Variants in HTRA3 observed in about 807,000 individuals in gnomAD.
HTRA3 encodes HtrA serine peptidase 3.
A neutral mutation model predicts 43.2 loss-of-function variants in HTRA3; 41 were observed. The observed-to-expected ratio is 0.95, with a 90% CI of 0.74 to 1.23. The LOEUF (loss-of-function observed/expected upper bound fraction) is 1.23, where lower values mean the gene tolerates loss of function less well. Ranked by LOEUF, HTRA3 falls within the 50% of genes most tolerant of loss-of-function variation. HTRA3 has a pLI of 0.00. For synonymous variants in HTRA3, 295 were observed against 287.9 expected (o/e 1.02, Z -0.25); for missense variants, 628 against 647.1 (o/e 0.97, Z 0.32).
rs1187242252 is a variant in HTRA3, at chr4:8,269,909, T to C, written c.-60T>C. ...GGCGCCCGGCCCCGCAGCGGCCTCG[T>C]TGTCCCCGCCGGCCCCCGCCCGGTC... is the stretch of plus-strand genomic sequence containing the variant. On this transcript the variant is annotated 5_prime_UTR_variant, in exon 1 of 9. Transcript: ENST00000307358. 8.2e-6 allele frequency: 7 copies of C among 858,882 alleles called. No individual in the cohort carries two copies. Among genetic ancestry groups the C allele is most frequent in the Admixed American group, 6.0e-5 (1 of 16,752 alleles). The allele number at this position is 858,882 out of a possible 1,614,324, so 53.2% of individuals were successfully genotyped here.
Position 8,279,827 on chromosome 4 carries a change from C to T in HTRA3, c.386-2610C>T, listed in dbSNP as rs1223240352. Among the ~76,000 whole-genome samples, 4 of 152,150 alleles carry T rather than the reference C, an allele frequency of 2.6e-5. No individual in the cohort carries two copies. The highest frequency in any genetic ancestry group is 5.9e-5 in the Non-Finnish European group (4 of 68,030). On this transcript the variant is annotated intron_variant, in intron 1 of 8. Transcript: ENST00000307358. The surrounding 1 kb of genome is among the most constrained non-coding windows in gnomAD (Gnocchi z 7.4). ...GGCACCTCTGCACTCACCCACCCCACGCCGGGCTCCTCTCTGCCTCATCCC... is the reference window on the plus strand; with the variant it reads ...GGCACCTCTGCACTCACCCACCCCATGCCGGGCTCCTCTCTGCCTCATCCC...
At chr4:8,302,435 A>T in intron 6 of HTRA3, 28 bp from the exon 7 acceptor site, 1 of 1,612,808 alleles carries the variant, frequency 6.2e-7, no homozygotes, top group Non-Finnish European at 8.5e-7. Flanking sequence ...AGCAGCCCTA[A>T]CGGAGTCTCG....
intron 6 of HTRA3, among the ~76,000 whole-genome samples, chr4:8,300,234 G>A (rs1182912082): frequency 6.6e-6 from 1 of 152,114 alleles, no homozygotes; most frequent in Non-Finnish European, 1.5e-5. Flanking sequence ...TTCTCTTCTG[G>A]TTTTTGTATT....
rs189007977 is a variant in HTRA3 at position 8,286,188 on chromosome 4, C to T, written c.486-373C>T. On this transcript the variant is annotated intron_variant, in intron 2 of 8. Coordinates refer to ENST00000307358, the MANE Select transcript of HTRA3 (RefSeq NM_053044.5). This position sits in a 1 kb window ranked among gnomAD's most constrained non-coding sequence, Gnocchi z 4.9. ...TCAGAGAGCTTCACTGACCTGCCCA[C>T]GGTCAGGCAGATAATAAGTGGGTCC... 2.0e-4 allele frequency among the ~76,000 whole-genome samples: 30 copies of T among 152,342 alleles called. No homozygotes were observed. The highest frequency in any genetic ancestry group is 6.5e-4 in the Admixed American group (10 of 15,304).
At chr4:8,282,990 GC>G (rs775005283) in intron 2 of HTRA3, among the ~76,000 whole-genome samples, 65 of 152,180 alleles carry the variant, frequency 4.3e-4, no homozygotes, top group Non-Finnish European at 8.5e-4. Flanking sequence ...CACAAGCTAA[GC>G]CTGAAGTAGG....
intron 6 of HTRA3, among the ~76,000 whole-genome samples, chr4:8,299,297 G>T (rs1353170317): frequency 3.9e-5 from 6 of 152,150 alleles, no homozygotes; most frequent in Admixed American, 1.3e-4. Flanking sequence ...TTGGTTAAGA[G>T]AATATTCAAA....
At position 8,292,313 on chromosome 4, in the gene HTRA3, C is replaced by A. The variant is rs1426797509; in HGVS notation, c.904-8C>A. The A allele has an allele frequency of 6.2e-7, 1 of 1,612,852 alleles. No individual in the cohort carries two copies. The highest frequency in any genetic ancestry group is 2.2e-5 in the East Asian group (1 of 44,854). On this transcript the variant is annotated splice_region_variant and splice_polypyrimidine_tract_variant and intron_variant, in intron 4 of 8. Coordinates refer to ENST00000307358, the MANE Select transcript of HTRA3 (RefSeq NM_053044.5). ...AGGCACAGCTAATGCTGTTTCCTCC[C>A]CTTGCAGTACGGGAACTCCGGGGGA...
intron 1 of HTRA3, among the ~76,000 whole-genome samples, chr4:8,278,152 G>T (rs1300761631): frequency 6.6e-6 from 1 of 152,136 alleles, no homozygotes; most frequent in Non-Finnish European, 1.5e-5. Context: ...ACTGTCCAGA[G>T]CCAGCACGTG....
intron 3 of HTRA3, among the ~76,000 whole-genome samples, chr4:8,290,777 C>T (rs1480216606): frequency 2.0e-5 from 3 of 152,160 alleles, no homozygotes; most frequent in Non-Finnish European, 4.4e-5. Flanking sequence ...CCGCTGGGCC[C>T]GCGCAAAAGC....
At chr4:8,292,438 C>T in intron 5 of HTRA3, 85 bp downstream of exon 5, 1 of 1,122,514 alleles carries the variant, frequency 8.9e-7, no homozygotes, top group South Asian at 1.3e-5. Context: ...GGGACAGGGC[C>T]CACAATATGG....
intron 6 of HTRA3, 54 bp downstream of exon 6, chr4:8,294,255 C>T (rs112261447): frequency 7.5e-7 from 1 of 1,336,936 alleles, no homozygotes; most frequent in Non-Finnish European, 1.1e-6. Flanking sequence ...CCCAGGGCTA[C>T]AGCCCCTTAA....
At chr4:8,301,050 TTTA>T (rs1192913491) in intron 6 of HTRA3, among the ~76,000 whole-genome samples, 6 of 152,038 alleles carry the variant, frequency 3.9e-5, no homozygotes, top group Non-Finnish European at 7.4e-5. Context: ...CACTCTCAGC[TTTA>T]TTATCGATTC....
chr4:8,291,465 A>G lies in HTRA3; in HGVS notation c.804A>G (p.Thr268=), dbSNP rs766673223. The G allele has an allele frequency of 1.1e-5, 17 of 1,613,022 alleles. No individual in the cohort carries two copies. The highest frequency in any genetic ancestry group is 1.4e-5 in the Non-Finnish European group (16 of 1,180,018). The change falls in exon 4 of 9, where the codon ACA becomes ACG. Residue 268 remains threonine (T), a synonymous_variant. Transcript: ENST00000307358. ...GCAGTCCCTTCGCCCTACAGAACAC[A>G]GTGACAACGGGCATCGTCAGCACTG... is the stretch of plus-strand genomic sequence containing the variant. The part of the protein sequence containing the change: ...AIGSPFALQN[T]VTTGIVSTAQ...
At position 8,270,292 on chromosome 4, in the gene HTRA3, C is replaced by CAGCTGCAGG; in HGVS notation, c.324_325insAGCTGCAGG (p.Arg108_Arg109insSerCysArg). Reference sequence around the variant, plus strand: ...TGTGCGCGCTGCAGGCGGCCAGCCGCCGCGCGCTGCAGCTCTCCGGGACGC... The same window carrying CAGCTGCAGG: ...TGTGCGCGCTGCAGGCGGCCAGCCGCAGCTGCAGGCGCGCGCTGCAGCTCTCCGGGACGC... On this transcript the variant is annotated inframe_insertion, in exon 1 of 9. Transcript: ENST00000307358. The CAGCTGCAGG allele has an allele frequency of 1.4e-6, 2 of 1,480,832 alleles. No homozygotes were observed. The highest frequency in any genetic ancestry group is 1.8e-6 in the Non-Finnish European group (2 of 1,121,962). 91.7% of individuals were successfully genotyped at this position (1,480,832 alleles called of 1,614,324 possible).
At position 8,306,398 on chromosome 4, in the gene HTRA3, G is replaced by A. The variant is rs541720893; in HGVS notation, c.*262G>A. 4.9e-5 allele frequency: 19 copies of A among 389,036 alleles called. No homozygotes were observed. Among genetic ancestry groups the A allele is most frequent in the African/African-American group, 1.7e-4 (8 of 48,198 alleles). The allele number at this position is 389,036 out of a possible 1,614,324, so 24.1% of individuals were successfully genotyped here. A position where few individuals can be genotyped will look rare whatever the true frequency, so the allele number is the denominator to read the frequency against. Reference sequence around the variant, plus strand: ...CCTGAAAGTCACTTCCAAGTTCTCCGGATATTCACAAAACTGCCTTCCATG... The same window carrying A: ...CCTGAAAGTCACTTCCAAGTTCTCCAGATATTCACAAAACTGCCTTCCATG... On this transcript the variant is annotated 3_prime_UTR_variant, in exon 9 of 9. Transcript: ENST00000307358. This position sits in a 1 kb window ranked among gnomAD's most constrained non-coding sequence, Gnocchi z 8.9.
chr4:8,282,355 C>T (rs1712781893), intron 1 of HTRA3, 82 bp from the exon 2 acceptor site: 5 of 1,098,344 alleles, frequency 4.6e-6, no homozygotes, highest in Non-Finnish European at 6.7e-6. Flanking sequence ...GAGCCTCCTC[C>T]TTCTGCCCAC....
At chr4:8,275,664 C>T (rs1419639216) in intron 1 of HTRA3, among the ~76,000 whole-genome samples, 1 of 152,230 alleles carries the variant, frequency 6.6e-6, no homozygotes, top group African/African-American at 2.4e-5. Flanking sequence ...GGTCTGAACA[C>T]CTTCCGCCCA....
chr4:8,288,892 T>C (rs1713105550), intron 3 of HTRA3, among the ~76,000 whole-genome samples: 1 of 82,178 alleles, frequency 1.2e-5, no homozygotes, highest in Non-Finnish European at 2.6e-5. Context: ...CTTCCTTCCT[T>C]CCGTCCGTCC....
chr4:8,291,079 T>C (rs1366422559), intron 3 of HTRA3, among the ~76,000 whole-genome samples: 2 of 152,234 alleles, frequency 1.3e-5, no homozygotes, highest in Non-Finnish European at 2.9e-5. Flanking sequence ...CTCAACGACC[T>C]TGGAGGCTGT....
Sources: gnomAD v4.1 joint callset for allele counts (sites outside exome capture counted in the v4.1 genomes callset) on GRCh38, gnomAD v4.1.1 for gene constraint, Gnocchi (gnomAD v3.1) non-coding constraint, MANE v1.5 for transcripts, NCBI Gene and HGNC (gene_info 2026-07-23, HGNC 2026-07-21) for gene names.